SIL1: variants seen among roughly 807,000 people sequenced by gnomAD.
The protein encoded by SIL1 is SIL1 nucleotide exchange factor, also known as nucleotide exchange factor SIL1.
In SIL1, 40 loss-of-function variants were observed where a neutral mutation model predicts 49.1. The observed-to-expected ratio is 0.81, with a 90% CI of 0.63 to 1.06. SIL1 has a LOEUF of 1.06. Among genes scored for constraint, SIL1 ranks in the 50% least tolerant of loss-of-function variants. SIL1 has a pLI of 0.00. For synonymous variants in SIL1, 253 were observed against 250.8 expected, an observed-to-expected ratio of 1.01 and a Z score of -0.08; for missense variants, 500 against 572.6, an observed-to-expected ratio of 0.87 and a Z score of 1.29.
chr5:139,093,911 T>C (rs1172385358), intron 3 of SIL1: 2 of 152,214 alleles, frequency 1.3e-5, no homozygotes, highest in African/African-American at 4.8e-5. Context: ...ACATCTGTCA[T>C]GGGCTGAACT....
rs1768602124 is a variant in SIL1 at position 139,024,560 on chromosome 5, T to C, written c.645+2241A>G. 2.0e-5 allele frequency among the ~76,000 whole-genome samples: 3 copies of C among 152,224 alleles called. No individual in the cohort carries two copies. The South Asian group carries it at 6.2e-4, about 32-fold the overall frequency. Reference sequence around the variant, plus strand: ...CAGAGAACAAGGGCACTGTCGTGCATGGTGCATGGGAGGACATTGAGGATC... The same window carrying C: ...CAGAGAACAAGGGCACTGTCGTGCACGGTGCATGGGAGGACATTGAGGATC... On this transcript the variant is annotated intron_variant, in intron 6 of 9. Coordinates refer to ENST00000394817, the MANE Select transcript of SIL1 (RefSeq NM_022464.5).
chr5:139,026,097 A>G (rs1052006513), intron 6 of SIL1, among the ~76,000 whole-genome samples: 7 of 152,214 alleles, frequency 4.6e-5, no homozygotes, highest in Admixed American at 1.3e-4. Flanking sequence ...GTCCATGACT[A>G]GGCTCTAAGT....
At chr5:138,994,835 C>T (rs1767828765) in intron 7 of SIL1, among the ~76,000 whole-genome samples, 1 of 152,164 alleles carries the variant, frequency 6.6e-6, no homozygotes, top group African/African-American at 2.4e-5. Flanking sequence ...AACTATTTAT[C>T]CTGATGCTCT....
chr5:139,169,948 G>A (rs1751709427), intron 1 of SIL1, among the ~76,000 whole-genome samples: 1 of 151,444 alleles, frequency 6.6e-6, no homozygotes, highest in South Asian at 2.1e-4. Context: ...TGCCATCTCG[G>A]CTCACTGCAG....
In SIL1 at chr5:139,129,042, G is replaced by T. The variant is rs551859115; in HGVS notation, c.-10-1189C>A. Among the ~76,000 whole-genome samples, 9 of 152,254 alleles carry T rather than the reference G, an allele frequency of 5.9e-5. No individual in the cohort carries two copies. In the East Asian group the frequency reaches 1.7e-3, roughly 29 times the overall value. ...CATGCCTGTAGTCCCAGCTACCTAG[G>T]AGGCTGAGGTGGGAGGATCGCGTAA... On this transcript the variant is annotated intron_variant, in intron 1 of 9. Coordinates refer to ENST00000394817, the MANE Select transcript of SIL1 (RefSeq NM_022464.5).
In SIL1 at chr5:139,136,701, A is replaced by T. The variant is rs144341060; in HGVS notation, c.-10-8848T>A. Among the ~76,000 whole-genome samples, 534 of 152,298 alleles carry T rather than the reference A, an allele frequency of 3.5e-3. 1 individual carries two copies. Among genetic ancestry groups the T allele is most frequent in the South Asian group, 0.013 (65 of 4,826 alleles). On this transcript the variant is annotated intron_variant, in intron 1 of 9. Transcript: ENST00000394817. ...TCCACAGATGAAGACATAGAGGCAC[A>T]AGGGTAGGCCACTCCAAAAGGCTCA...
chr5:139,106,286 C>A (rs1770710850), intron 3 of SIL1, among the ~76,000 whole-genome samples: 1 of 152,264 alleles, frequency 6.6e-6, no homozygotes, highest in African/African-American at 2.4e-5. Context: ...ACTTCTCCTT[C>A]CCACTGGCAT....
chr5:139,184,354 C>T (rs1752042006), intron 1 of SIL1, among the ~76,000 whole-genome samples: 1 of 152,152 alleles, frequency 6.6e-6, no homozygotes, highest in Non-Finnish European at 1.5e-5. Flanking sequence ...CTCTCCGAGC[C>T]TCAATATTTT....
rs375344690 is a variant in SIL1 at position 139,026,011 on chromosome 5, C to G, written c.645+790G>C. ...TTGCCATCCCCTGCTCTAGTCCCCC[C>G]TCTTCACCCAGCCAACCCCAATCAT... On this transcript the variant is annotated intron_variant, in intron 6 of 9. Transcript: ENST00000394817. 3.9e-4 allele frequency among the ~76,000 whole-genome samples: 59 copies of G among 152,304 alleles called. No homozygotes were observed. In the East Asian group the frequency reaches 0.011, roughly 29 times the overall value.
intron 1 of SIL1, among the ~76,000 whole-genome samples, chr5:139,149,127 A>G (rs912843802): frequency 2.0e-5 from 3 of 147,472 alleles, no homozygotes; most frequent in East Asian, 2.0e-4. Flanking sequence ...AGCACCCAGG[A>G]AAAAAAAAAA....
intron 3 of SIL1, among the ~76,000 whole-genome samples, chr5:139,116,965 T>C (rs1356607064): frequency 2.0e-5 from 3 of 152,216 alleles, no homozygotes; most frequent in Non-Finnish European, 4.4e-5. Context: ...CTAAGCAACC[T>C]GAGCAAGGCC....
At chr5:139,030,770 T>C (rs1480901035) in intron 5 of SIL1, among the ~76,000 whole-genome samples, 1 of 152,156 alleles carries the variant, frequency 6.6e-6, no homozygotes, top group Non-Finnish European at 1.5e-5. Flanking sequence ...AGTGCTAGGA[T>C]TGCAGGTGTG....
At position 139,136,837 on chromosome 5, in the gene SIL1, A is replaced by C. The variant is rs551548241; in HGVS notation, c.-10-8984T>G. Among the ~76,000 whole-genome samples the C allele has an allele frequency of 1.3e-3, 204 of 152,352 alleles. 2 individuals are homozygous for C. The highest frequency in any genetic ancestry group is 4.4e-3 in the African/African-American group (182 of 41,584). ...GAAAAAAAAATTCCTCCATGGGTGC[A>C]ACAGAGGGATTCTTCAATACCATAC... On this transcript the variant is annotated intron_variant, in intron 1 of 9. Transcript: ENST00000394817.
intron 1 of SIL1, among the ~76,000 whole-genome samples, chr5:139,186,276 G>C (rs1752076346): frequency 6.6e-6 from 1 of 152,188 alleles, no homozygotes; most frequent in African/African-American, 2.4e-5. Context: ...AAGAGATTAA[G>C]TCACTACCCA....
intron 1 of SIL1, among the ~76,000 whole-genome samples, chr5:139,140,142 T>G (rs1308903291): frequency 6.6e-6 from 1 of 151,996 alleles, no homozygotes; most frequent in Non-Finnish European, 1.5e-5. Context: ...TGGTGATGGG[T>G]GCCTGTAATC....
chr5:139,036,862 A>G (rs1768925695), intron 5 of SIL1, among the ~76,000 whole-genome samples: 2 of 152,208 alleles, frequency 1.3e-5, no homozygotes, highest in African/African-American at 2.4e-5. Flanking sequence ...AAATTAGAAA[A>G]TAAATAATAA....
chr5:139,045,630 G>A (rs756318445), intron 4 of SIL1, among the ~76,000 whole-genome samples: 47 of 152,182 alleles, frequency 3.1e-4, no homozygotes, highest in Non-Finnish European at 4.9e-4. Flanking sequence ...CTACCTGATA[G>A]ATCTGTATCT....
intron 1 of SIL1, among the ~76,000 whole-genome samples, chr5:139,153,878 C>CTACA (rs1350046969): frequency 6.6e-6 from 1 of 152,230 alleles, no homozygotes. Flanking sequence ...CCCAAGCTAA[C>CTACA]TACACACTGT....
At position 138,996,992 on chromosome 5, in the gene SIL1, G is replaced by A. The variant is rs115435121; in HGVS notation, c.767+24179C>T. 2.2e-3 allele frequency among the ~76,000 whole-genome samples: 335 copies of A among 152,320 alleles called. 1 individual carries two copies. Among genetic ancestry groups the A allele is most frequent in the Non-Finnish European group, 3.6e-3 (242 of 68,028 alleles). On this transcript the variant is annotated intron_variant, in intron 7 of 9. Transcript: ENST00000394817. ...CTGTCACCACAGCTGGAGTGCAGCAGCACGATCACAGCTCACTATAACCTT... is the reference window on the plus strand; with the variant it reads ...CTGTCACCACAGCTGGAGTGCAGCAACACGATCACAGCTCACTATAACCTT...
Sources: gnomAD v4.1 joint callset for allele counts (sites outside exome capture counted in the v4.1 genomes callset) on GRCh38, gnomAD v4.1.1 for gene constraint, MANE v1.5 for transcripts, NCBI Gene and HGNC (gene_info 2026-07-23, HGNC 2026-07-21) for gene names.